Variants in CDH13 observed in about 807,000 individuals in gnomAD.
The protein encoded by CDH13 is cadherin-13.
CDH13 carries 24 observed loss-of-function variants against 63.8 expected under a neutral mutation model. That is an observed-to-expected ratio of 0.38 (90% CI 0.27 to 0.53). The LOEUF is 0.53. CDH13 is among the 20% of genes least tolerant of loss of function. The pLI is 0.85. For missense variants in CDH13, 1,049 were observed against 903.1 expected (o/e 1.16, Z -2.07); for synonymous variants, 503 against 355.3 (o/e 1.42, Z -4.67).
intron 1 of CDH13, among the ~76,000 whole-genome samples, chr16:82,817,501 A>T (rs1037174501): frequency 6.6e-6 from 1 of 152,176 alleles, no homozygotes; most frequent in South Asian, 2.1e-4. Context: ...AAATGCACAC[A>T]CATATATACA....
intron 5 of CDH13, among the ~76,000 whole-genome samples, chr16:83,233,246 A>T (rs12928471): frequency 6.6e-6 from 1 of 152,124 alleles, no homozygotes; most frequent in Non-Finnish European, 1.5e-5. Flanking sequence ...CTACCCTAGG[A>T]GTCTGTTTTG....
chr16:83,546,651 G>A (rs1240418019), intron 7 of CDH13, among the ~76,000 whole-genome samples: 1 of 152,112 alleles, frequency 6.6e-6, no homozygotes, highest in Admixed American at 6.5e-5. Context: ...CCTATTCTGG[G>A]TAGCGAAGTT....
intron 1 of CDH13, among the ~76,000 whole-genome samples, chr16:82,681,659 C>G (rs1215488073): frequency 1.3e-5 from 2 of 152,242 alleles, no homozygotes; most frequent in East Asian, 3.8e-4. Flanking sequence ...CCGTTGCATT[C>G]CCTCACCTTT....
At chr16:82,725,051 C>G (rs1029781013) in intron 1 of CDH13, among the ~76,000 whole-genome samples, 1 of 152,002 alleles carries the variant, frequency 6.6e-6, no homozygotes, top group Non-Finnish European at 1.5e-5. Context: ...TAAATATTAG[C>G]TTATTTTGTG....
chr16:83,125,180 C>G (rs1419342787), intron 3 of CDH13, among the ~76,000 whole-genome samples: 1 of 152,120 alleles, frequency 6.6e-6, no homozygotes, highest in African/African-American at 2.4e-5. Context: ...GTTCAAATAG[C>G]TTAATGATAG....
At chr16:82,634,449 G>A (rs956636904) in intron 1 of CDH13, among the ~76,000 whole-genome samples, 5 of 152,224 alleles carry the variant, frequency 3.3e-5, no homozygotes, top group African/African-American at 4.8e-5. Context: ...GGCTGACTCA[G>A]ACTGCCCGGA....
chr16:83,394,933 T>G (rs2091857035), intron 6 of CDH13, among the ~76,000 whole-genome samples: 1 of 151,986 alleles, frequency 6.6e-6, no homozygotes, highest in African/African-American at 2.4e-5. Context: ...GGATCACCTG[T>G]GGTCAGGTGT....
chr16:83,287,473 C>A (rs1050093426), intron 5 of CDH13, among the ~76,000 whole-genome samples: 5 of 152,136 alleles, frequency 3.3e-5, no homozygotes, highest in Non-Finnish European at 7.3e-5. Flanking sequence ...CCTGTCAGAT[C>A]AGGGGCAGCA....
rs1567517994 is a variant in CDH13 at position 82,772,522 on chromosome 16, G to C, written c.46-85840G>C. ...ATTTCAGAGCAAGGTCTCTCAACCT[G>C]AGGTGGCCTGGGTATGAGACATGCT... On this transcript the variant is annotated intron_variant, in intron 1 of 13. Coordinates refer to ENST00000567109, the MANE Select transcript of CDH13 (RefSeq NM_001257.5). 2.6e-5 allele frequency among the ~76,000 whole-genome samples: 4 copies of C among 152,318 alleles called. No homozygotes were observed. The South Asian group carries it at 8.3e-4, about 32-fold the overall frequency.
chr16:82,927,532 C>T (rs138112475), intron 2 of CDH13, among the ~76,000 whole-genome samples: 1 of 152,130 alleles, frequency 6.6e-6, no homozygotes, highest in African/African-American at 2.4e-5. Flanking sequence ...TTCATATGTG[C>T]CATTTTCTCT....
intron 7 of CDH13, among the ~76,000 whole-genome samples, chr16:83,526,714 C>A (rs769323182): frequency 1.3e-5 from 2 of 152,240 alleles, no homozygotes; most frequent in Non-Finnish European, 2.9e-5. Context: ...GACTCTTTCA[C>A]TTCCCCAGCC....
At chr16:83,783,615 G>A (rs551703495) in intron 13 of CDH13, 143 bp downstream of exon 13, 1 of 741,640 alleles carries the variant, frequency 1.3e-6, no homozygotes, top group African/African-American at 1.7e-5. Flanking sequence ...CTGTATGATA[G>A]AACATGTTAT....
chr16:83,418,641 T>C (rs1326115971), intron 6 of CDH13, among the ~76,000 whole-genome samples: 3 of 152,172 alleles, frequency 2.0e-5, no homozygotes, highest in African/African-American at 7.2e-5. Context: ...GAGGAAGTGT[T>C]GCTAGAACTT....
intron 1 of CDH13, among the ~76,000 whole-genome samples, chr16:82,634,808 C>T (rs1475571018): frequency 1.3e-5 from 2 of 152,212 alleles, no homozygotes; most frequent in Non-Finnish European, 2.9e-5. Context: ...GACTTTTCCT[C>T]CTAGGCCCCA....
chr16:83,614,384 T>G (rs1189780853), intron 8 of CDH13, among the ~76,000 whole-genome samples: 1 of 152,200 alleles, frequency 6.6e-6, no homozygotes, highest in Non-Finnish European at 1.5e-5. Flanking sequence ...GACCTTGCAT[T>G]TCACTTCTCA....
chr16:83,083,208 A>G (rs949959496), intron 3 of CDH13, among the ~76,000 whole-genome samples: 17 of 152,246 alleles, frequency 1.1e-4, no homozygotes, highest in African/African-American at 4.1e-4. Flanking sequence ...TAAATACAGC[A>G]TCTTACTTGA....
intron 7 of CDH13, among the ~76,000 whole-genome samples, chr16:83,593,441 C>G (rs1351641343): frequency 6.6e-6 from 1 of 152,116 alleles, no homozygotes; most frequent in South Asian, 2.1e-4. Context: ...GTGGAATCAT[C>G]TGGGTAGCTT....
At chr16:82,653,760 G>A (rs554513334) in intron 1 of CDH13, among the ~76,000 whole-genome samples, 3 of 152,282 alleles carry the variant, frequency 2.0e-5, no homozygotes, top group African/African-American at 7.2e-5. Context: ...AGTGACAGAC[G>A]CTCTTAAATC....
intron 1 of CDH13, among the ~76,000 whole-genome samples, chr16:82,807,815 C>T (rs1486883300): frequency 6.6e-6 from 1 of 152,078 alleles, no homozygotes; most frequent in African/African-American, 2.4e-5. Flanking sequence ...CAATTAGATC[C>T]ATAAAAATAA....
Sources: gnomAD v4.1 joint callset for allele counts (sites outside exome capture counted in the v4.1 genomes callset) on GRCh38, gnomAD v4.1.1 for gene constraint, MANE v1.5 for transcripts, NCBI Gene and HGNC (gene_info 2026-07-23, HGNC 2026-07-21) for gene names.